TRIM58: variants seen among roughly 807,000 people sequenced by gnomAD.
TRIM58 encodes tripartite motif containing 58, also known as E3 ubiquitin-protein ligase TRIM58.
In TRIM58, 38 loss-of-function variants were observed where a neutral mutation model predicts 34.1. The observed-to-expected ratio is 1.12, with a 90% CI of 0.86 to 1.46. The LOEUF is 1.46. TRIM58 is among the 40% of genes most tolerant of loss of function. The pLI is 0.00. For missense variants in TRIM58, 677 were observed against 642.0 expected (o/e 1.05, Z -0.59); for synonymous variants, 273 against 275.7 (o/e 0.99, Z 0.10).
At chr1:247,871,690 A>C (rs1389136391) in intron 5 of TRIM58, among the ~76,000 whole-genome samples, 1 of 152,228 alleles carries the variant, frequency 6.6e-6, no homozygotes, top group Non-Finnish European at 1.5e-5. Flanking sequence ...TTTTTATGGA[A>C]TGAAATCATT....
rs149038792 is a variant in TRIM58 at position 247,861,340 on chromosome 1, G to T, written c.516+628G>T. Reference sequence around the variant, plus strand: ...TACCTGCCCCCCAAGATAACATTTTGCAATTTCTGGAGATGATATTTTTGG... The same window carrying T: ...TACCTGCCCCCCAAGATAACATTTTTCAATTTCTGGAGATGATATTTTTGG... On this transcript the variant is annotated intron_variant, in intron 2 of 5. Coordinates refer to ENST00000366481, the MANE Select transcript of TRIM58 (RefSeq NM_015431.4). Among the ~76,000 whole-genome samples the T allele has an allele frequency of 2.7e-4, 41 of 152,136 alleles. No homozygotes were observed. The East Asian group carries it at 7.7e-3, about 29-fold the overall frequency.
At chr1:247,867,488 G>C (rs1663956726) in intron 3 of TRIM58, among the ~76,000 whole-genome samples, 1 of 152,026 alleles carries the variant, frequency 6.6e-6, no homozygotes, top group South Asian at 2.1e-4. Context: ...GAGGTCAGGA[G>C]TTCGAGACCA....
At chr1:247,864,320 T>C (rs978740097) in intron 2 of TRIM58, among the ~76,000 whole-genome samples, 1 of 151,994 alleles carries the variant, frequency 6.6e-6, no homozygotes. Context: ...TCATTTTAAT[T>C]TTTTTAGAGA....
chr1:247,864,757 G>A lies in TRIM58; in HGVS notation c.569G>A (p.Arg190His), dbSNP rs745451596. The A allele has an allele frequency of 2.5e-5, 40 of 1,614,044 alleles. No individual in the cohort carries two copies. The highest frequency in any genetic ancestry group is 1.6e-4 in the Middle Eastern group (1 of 6,076). ...QRFRLEFEKH[R>H]GFLAQEEQRQ... ...TTCAGATTGGAGTTTGAGAAGCATC[G>A]TGGCTTTCTGGCCCAGGAGGAGCAA... The change falls in exon 3 of 6, where the codon CGT (arginine) becomes CAT (histidine). Residue 190 changes from arginine (R) to histidine (H), a missense_variant. Physicochemically the swap from Arg to His is conservative, Grantham distance 29. Coordinates refer to ENST00000366481, the MANE Select transcript of TRIM58 (RefSeq NM_015431.4).
rs74787361 is a variant in TRIM58 at position 247,869,315 on chromosome 1, G to C, written c.871+1252G>C. On this transcript the variant is annotated intron_variant, in intron 5 of 5. Transcript: ENST00000366481. ...AGCCCCTCTCCCTCTTCAGAGGTGG[G>C]GGGGGGTGAGGCGTGAAGGACTGAA... 4.6e-3 allele frequency among the ~76,000 whole-genome samples: 693 copies of C among 152,300 alleles called. 7 individuals carry two copies. Among genetic ancestry groups the C allele is most frequent in the African/African-American group, 0.015 (642 of 41,564 alleles).
intron 1 of TRIM58, among the ~76,000 whole-genome samples, chr1:247,858,315 A>G (rs1301956237): frequency 1.3e-5 from 2 of 152,184 alleles, no homozygotes; most frequent in East Asian, 1.9e-4. Flanking sequence ...TCAAAGAGAA[A>G]GAAGAAAAAC....
intron 5 of TRIM58, among the ~76,000 whole-genome samples, chr1:247,871,370 T>C (rs1659118514): frequency 6.6e-6 from 1 of 152,236 alleles, no homozygotes. Flanking sequence ...TCAGTTATTT[T>C]CATGTAGGAA....
intron 2 of TRIM58, among the ~76,000 whole-genome samples, chr1:247,864,368 G>A (rs1177180973): frequency 1.3e-5 from 2 of 151,946 alleles, no homozygotes; most frequent in Non-Finnish European, 2.9e-5. Context: ...GGCTGGTCTT[G>A]AACTCCTGAC....
At position 247,864,843 on chromosome 1, in the gene TRIM58, A is replaced by G. The variant is rs1301452129; in HGVS notation, c.655A>G (p.Lys219Glu). 1.5e-5 allele frequency: 24 copies of G among 1,612,998 alleles called. No homozygotes were observed. In the Admixed American group the frequency reaches 3.8e-4, roughly 26 times the overall value. ...GACGCTGCAGAGACTGCGGGAGAGC[A>G]AGAGCCGGCTGGTCCAGCAGAGCAA... ...RATLQRLRES[K>E]SRLVQQSKAL... The change falls in exon 3 of 6, where the codon AAG becomes GAG. Residue 219 changes from lysine to glutamate, a missense_variant. Coordinates refer to ENST00000366481, the MANE Select transcript of TRIM58 (RefSeq NM_015431.4).
chr1:247,864,619 G>A, intron 2 of TRIM58, 86 bp from the exon 3 acceptor site: 1 of 1,422,534 alleles, frequency 7.0e-7, no homozygotes. Flanking sequence ...GCCCGGGGAA[G>A]TCTGGACATT....
chr1:247,860,583 G>C (rs887248834), intron 1 of TRIM58, 34 bp from the exon 2 acceptor site: 4 of 1,455,116 alleles, frequency 2.7e-6, no homozygotes, highest in Non-Finnish European at 3.9e-6. Context: ...TACAGATTGA[G>C]GGCATCTGTA....
At chr1:247,859,683 A>C (rs1178583518) in intron 1 of TRIM58, among the ~76,000 whole-genome samples, 1 of 152,066 alleles carries the variant, frequency 6.6e-6, no homozygotes, top group Admixed American at 6.6e-5. Flanking sequence ...TAATACTACT[A>C]ATACTACAAT....
In TRIM58 at chr1:247,877,812, G is replaced by C. The variant is rs1659324742; in HGVS notation, c.*1323G>C. On this transcript the variant is annotated 3_prime_UTR_variant, in exon 6 of 6. Transcript: ENST00000366481. ...ATATTCTGTACCTTTCCAACAAAAA[G>C]GTTAAAAGTCATTGAAGGCTAACCT... 6.6e-6 allele frequency: 1 copy of C among 152,102 alleles called. No homozygotes were observed. The highest frequency in any genetic ancestry group is 1.9e-4 in the East Asian group (1 of 5,194). The allele number at this position is 152,102 out of a possible 1,614,324, so 9.4% of individuals were successfully genotyped here.
At chr1:247,873,893 G>C (rs1358546245) in intron 5 of TRIM58, among the ~76,000 whole-genome samples, 1 of 152,190 alleles carries the variant, frequency 6.6e-6, no homozygotes, top group African/African-American at 2.4e-5. Context: ...TTGAGTCTGA[G>C]AGGTGGAGGC....
intron 5 of TRIM58, among the ~76,000 whole-genome samples, chr1:247,869,805 G>A (rs1572576196): frequency 2.0e-5 from 3 of 152,284 alleles, no homozygotes; most frequent in Middle Eastern, 6.8e-3. Flanking sequence ...AAGACAAATA[G>A]GAACAAAGGC....
chr1:247,874,604 A>T (rs549192483), intron 5 of TRIM58, among the ~76,000 whole-genome samples: 1 of 152,298 alleles, frequency 6.6e-6, no homozygotes, highest in African/African-American at 2.4e-5. Flanking sequence ...ATCTAGATGT[A>T]TTTATTTATT....
chr1:247,857,417 T>G lies in TRIM58; in HGVS notation c.171T>G (p.Cys57Trp). 6.7e-7 allele frequency: 1 copy of G among 1,498,994 alleles called. No homozygotes were observed. The highest frequency in any genetic ancestry group is 8.9e-7 in the Non-Finnish European group (1 of 1,120,826). 92.9% of individuals were successfully genotyped at this position (1,498,994 alleles called of 1,614,324 possible). A position where few individuals can be genotyped will look rare whatever the true frequency, so the allele number is the denominator to read the frequency against. The change falls in exon 1 of 6, where the codon TGT becomes TGG. Residue 57 changes from cysteine to tryptophan, a missense_variant. Cys to Trp is a radical substitution (Grantham distance 215). Coordinates refer to ENST00000366481, the MANE Select transcript of TRIM58 (RefSeq NM_015431.4). Reference sequence around the variant, plus strand: ...GCGCGCAGGGCGGCGTCTACGCCTGTCCGCAGTGCCGGGGCCCCTTCCGGC... The same window carrying G: ...GCGCGCAGGGCGGCGTCTACGCCTGGCCGCAGTGCCGGGGCCCCTTCCGGC... ...SDGAQGGVYACPQCRGPFRPS... is the reference protein window; with the variant it reads ...SDGAQGGVYAWPQCRGPFRPS...
chr1:247,875,347 A>G (rs1045457553), intron 5 of TRIM58, among the ~76,000 whole-genome samples: 5 of 152,140 alleles, frequency 3.3e-5, no homozygotes, highest in African/African-American at 1.2e-4. Flanking sequence ...AATGCAGAAG[A>G]TCCTCCTAAG....
chr1:247,874,170 T>C (rs577977978), intron 5 of TRIM58, among the ~76,000 whole-genome samples: 2 of 152,336 alleles, frequency 1.3e-5, no homozygotes, highest in African/African-American at 4.8e-5. Context: ...AAATATGCTT[T>C]ATTTTGGCTC....
Sources: allele counts gnomAD v4.1 joint callset (sites outside exome capture counted in the v4.1 genomes callset), GRCh38; gene constraint gnomAD v4.1.1; transcripts MANE v1.5; gene names NCBI Gene and HGNC (gene_info 2026-07-23, HGNC 2026-07-21).